NAA35: variants seen among roughly 807,000 people sequenced by gnomAD.
The protein encoded by NAA35 is MAK10 homolog, amino-acid N-acetyltransferase subunit.
A neutral mutation model predicts 101.7 loss-of-function variants in NAA35; 18 were observed. The observed-to-expected ratio is 0.18, with a 90% confidence interval of 0.12 to 0.26. The LOEUF (loss-of-function observed/expected upper bound fraction) is 0.26, where lower values mean the gene tolerates loss of function less well. Among genes scored for constraint, NAA35 ranks in the 10% least tolerant of loss-of-function variants. The pLI is 1.00. For missense variants in NAA35, 601 were observed against 886.8 expected, an observed-to-expected ratio of 0.68 and a Z score of 4.09; for synonymous variants, 267 against 273.1, an observed-to-expected ratio of 0.98 and a Z score of 0.22.
chr9:86,008,352 G>T (rs1337277026), intron 14 of NAA35, among the ~76,000 whole-genome samples: 1 of 152,178 alleles, frequency 6.6e-6, no homozygotes, highest in Non-Finnish European at 1.5e-5. Context: ...TTGAGCCACT[G>T]CACCGGCCTA....
intron 11 of NAA35, among the ~76,000 whole-genome samples, chr9:85,991,956 C>T (rs898277271): frequency 1.3e-5 from 2 of 151,980 alleles, no homozygotes; most frequent in South Asian, 2.1e-4. Flanking sequence ...AGGCGGATCA[C>T]GAGGTCAGGA....
At chr9:85,958,826 T>C (rs1470933323) in intron 4 of NAA35, among the ~76,000 whole-genome samples, 2 of 152,198 alleles carry the variant, frequency 1.3e-5, no homozygotes, top group African/African-American at 4.8e-5. Context: ...TTTGAAAGCA[T>C]TTGACTATAT....
chr9:85,990,639 C>G (rs1460073283), intron 11 of NAA35, among the ~76,000 whole-genome samples: 4 of 152,208 alleles, frequency 2.6e-5, no homozygotes, highest in Admixed American at 2.6e-4. Context: ...AAACTCAGTT[C>G]TGATTCTTGC....
chr9:86,001,767 T>C (rs1197896744), intron 12 of NAA35, among the ~76,000 whole-genome samples: 1 of 152,152 alleles, frequency 6.6e-6, no homozygotes, highest in Non-Finnish European at 1.5e-5. Context: ...AGTGTCATTA[T>C]GTGTGAGATG....
chr9:85,981,190 A>T (rs1331669033), intron 11 of NAA35, among the ~76,000 whole-genome samples: 1 of 152,178 alleles, frequency 6.6e-6, no homozygotes, highest in African/African-American at 2.4e-5. Flanking sequence ...ATGAGTGACT[A>T]GGTAGCATTC....
At chr9:85,962,821 G>A (rs891773829) in intron 6 of NAA35, among the ~76,000 whole-genome samples, 6 of 152,124 alleles carry the variant, frequency 3.9e-5, no homozygotes, top group Non-Finnish European at 8.8e-5. Flanking sequence ...TCTCTTAGAA[G>A]TTATAATACA....
chr9:86,018,247 T>C lies in NAA35; in HGVS notation c.1774-8T>C. 6.2e-7 allele frequency: 1 copy of C among 1,604,962 alleles called. No individual in the cohort carries two copies. Among genetic ancestry groups the C allele is most frequent in the African/African-American group, 1.3e-5 (1 of 74,704 alleles). ...TTCATCTTTTTTCTTATTCCCTTTT[T>C]CATTTAGACCATGGTAGCATTTGAC... On this transcript the variant is annotated splice_region_variant and splice_polypyrimidine_tract_variant and intron_variant, in intron 19 of 22. Transcript: ENST00000361671.
intron 2 of NAA35, among the ~76,000 whole-genome samples, chr9:85,946,664 A>G (rs1564283517): frequency 6.7e-6 from 1 of 149,016 alleles, no homozygotes; most frequent in South Asian, 2.1e-4. Context: ...TTAAAACGTT[A>G]TGAGATTTTT....
chr9:85,980,330 C>G lies in NAA35; in HGVS notation c.877+1949C>G, dbSNP rs117700322. On this transcript the variant is annotated intron_variant, in intron 11 of 22. Coordinates refer to ENST00000361671, the MANE Select transcript of NAA35 (RefSeq NM_024635.4). ...CATTGGTGAGCAACTGGACCTTCAG[C>G]CTCTCTCCCATCCCTGGAAGTTGTG... 2.6e-5 allele frequency among the ~76,000 whole-genome samples: 4 copies of G among 152,254 alleles called. No individual in the cohort carries two copies. In the East Asian group the frequency reaches 7.7e-4, roughly 29 times the overall value.
rs376572551 is a variant in NAA35, at chr9:85,962,191, G to A, written c.516+11G>A. ...GCTGTTTTTGAAGAGGTAAGATTTC[G>A]TAATGTAAGAAATCCTTGGCCAGGT... On this transcript the variant is annotated intron_variant, in intron 6 of 22. Coordinates refer to ENST00000361671, the MANE Select transcript of NAA35 (RefSeq NM_024635.4). 1.8e-5 allele frequency: 29 copies of A among 1,611,554 alleles called. No individual in the cohort carries two copies. The highest frequency in any genetic ancestry group is 3.4e-5 in the Admixed American group (2 of 59,596).
chr9:86,010,740 A>AT (rs958838218), intron 15 of NAA35, among the ~76,000 whole-genome samples: 296 of 143,246 alleles, frequency 2.1e-3, no homozygotes, highest in Non-Finnish European at 3.5e-3. Flanking sequence ...TGCCTGGCTA[A>AT]TTTTTTTTTT....
At chr9:85,953,237 T>A (rs945374831) in intron 2 of NAA35, among the ~76,000 whole-genome samples, 6 of 151,872 alleles carry the variant, frequency 4.0e-5, no homozygotes, top group Non-Finnish European at 7.4e-5. Context: ...TTTTTTTTTT[T>A]TTACCGGCTT....
intron 6 of NAA35, among the ~76,000 whole-genome samples, chr9:85,964,410 C>T (rs1829656437): frequency 6.6e-6 from 1 of 152,196 alleles, no homozygotes; most frequent in African/African-American, 2.4e-5. Flanking sequence ...GGGCACTGTC[C>T]TGCAGAACCA....
chr9:85,942,117 G>C lies in NAA35; in HGVS notation c.-5-38G>C, dbSNP rs755820165. On this transcript the variant is annotated intron_variant, in intron 1 of 22. Transcript: ENST00000361671. ...TTCTGCAAATACTCTTGCCCTGAAA[G>C]CTACATCCTCTCTCTTACATCAGTA... 3 of 1,596,250 alleles carry C rather than the reference G, an allele frequency of 1.9e-6. No homozygotes were observed. The South Asian group carries it at 3.4e-5, about 18-fold the overall frequency.
chr9:85,965,472 A>G (rs1422993514), intron 6 of NAA35, among the ~76,000 whole-genome samples: 1 of 152,120 alleles, frequency 6.6e-6, no homozygotes, highest in Non-Finnish European at 1.5e-5. Context: ...TACAAAAAAT[A>G]CAAAAATTAG....
In NAA35 at chr9:85,942,259, C is replaced by G. The variant is rs1410927580; in HGVS notation, c.100C>G (p.Gln34Glu). ...CAATACAAACTGGGTGGACATTACC[C>G]AAGATTTTGAAGAAGCTTGTCGAGG... is the stretch of plus-strand genomic sequence containing the variant. ...KSNTNWVDITQDFEEACRELK... is the reference protein window; with the variant it reads ...KSNTNWVDITEDFEEACRELK... Residue 34 changes from glutamine to glutamate, a missense_variant, in exon 2 of 23, where the codon CAA (glutamine) becomes GAA (glutamate). Transcript: ENST00000361671. 1.2e-6 allele frequency: 2 copies of G among 1,613,780 alleles called. No individual in the cohort carries two copies. The highest frequency in any genetic ancestry group is 8.5e-7 in the Non-Finnish European group (1 of 1,179,968).
chr9:86,007,520 C>A, intron 14 of NAA35, 56 bp downstream of exon 14: 1 of 1,247,860 alleles, frequency 8.0e-7, no homozygotes, highest in Non-Finnish European at 1.2e-6. Flanking sequence ...AAAAGCCCAA[C>A]TTCTCTGTAC....
intron 16 of NAA35, 151 bp from the exon 17 acceptor site, chr9:86,013,568 A>C: frequency 1.5e-6 from 1 of 680,796 alleles, no homozygotes; most frequent in Non-Finnish European, 2.4e-6. Context: ...TCAAATGTAA[A>C]CCTAACTAAA....
chr9:85,983,144 A>C lies in NAA35; in HGVS notation c.877+4763A>C, dbSNP rs140008871. Reference sequence around the variant, plus strand: ...TTCTCTGGAGGAGGGGGACAGAGGGATTCTGTACTTGAGGGTATATGAGGC... The same window carrying C: ...TTCTCTGGAGGAGGGGGACAGAGGGCTTCTGTACTTGAGGGTATATGAGGC... On this transcript the variant is annotated intron_variant, in intron 11 of 22. Transcript: ENST00000361671. 2.0e-4 allele frequency among the ~76,000 whole-genome samples: 30 copies of C among 152,268 alleles called. No homozygotes were observed. In the East Asian group the frequency reaches 5.6e-3, roughly 28 times the overall value.
Sources: gnomAD v4.1 joint callset for allele counts (sites outside exome capture counted in the v4.1 genomes callset) on GRCh38, gnomAD v4.1.1 for gene constraint, MANE v1.5 for transcripts, NCBI Gene and HGNC (gene_info 2026-07-23, HGNC 2026-07-21) for gene names.